Variants in SCARA3 observed in about 807,000 individuals in gnomAD.
The protein encoded by SCARA3 is scavenger receptor class A member 3, also known as cellular stress response gene protein.
SCARA3 carries 39 observed loss-of-function variants against 47.0 expected under a neutral mutation model. The ratio of observed to expected loss-of-function variants is 0.83; its 90% CI spans 0.64 to 1.08. The LOEUF (loss-of-function observed/expected upper bound fraction) is 1.08, where lower values mean the gene tolerates loss of function less well. Among genes scored for constraint, SCARA3 ranks in the 50% least tolerant of loss-of-function variants. The pLI is 0.00. For missense variants in SCARA3, 724 were observed against 792.3 expected (o/e 0.91, Z 1.04); for synonymous variants, 356 against 334.1 (o/e 1.07, Z -0.71).
chr8:27,726,012 A>C, the SCARA3 span, among the ~76,000 whole-genome samples: 1 of 152,236 alleles, frequency 6.6e-6, no homozygotes, highest in Non-Finnish European at 1.5e-5. Context: ...CTCTGGATGC[A>C]TTCATGCCCA....
At chr8:27,699,724 T>C in the SCARA3 span, among the ~76,000 whole-genome samples, 1 of 152,078 alleles carries the variant, frequency 6.6e-6, no homozygotes. Context: ...ATCCCAAAAG[T>C]TCCAGACCAG....
chr8:27,689,316 T>C, the SCARA3 span, among the ~76,000 whole-genome samples: 2 of 152,138 alleles, frequency 1.3e-5, no homozygotes, highest in African/African-American at 4.8e-5. Flanking sequence ...CCCCAGAACC[T>C]AGAATGCTGA....
At chr8:27,674,365 T>TTC (rs1802230351), downstream of SCARA3, among the ~76,000 whole-genome samples, 2 of 152,336 alleles carry the variant, frequency 1.3e-5, no homozygotes, top group South Asian at 4.1e-4. Flanking sequence ...CAGGTTGTGC[T>TTC]TCTGCCCTGC....
the SCARA3 span, among the ~76,000 whole-genome samples, chr8:27,720,949 C>T: frequency 6.6e-6 from 1 of 152,060 alleles, no homozygotes; most frequent in Non-Finnish European, 1.5e-5. Flanking sequence ...TTCATCCATC[C>T]ACCTATTTAT....
chr8:27,682,877 A>G, the SCARA3 span, among the ~76,000 whole-genome samples: 1 of 152,190 alleles, frequency 6.6e-6, no homozygotes, highest in African/African-American at 2.4e-5. Flanking sequence ...GTCATTTCTT[A>G]AAAAGTTAAA....
intron 5 of SCARA3, among the ~76,000 whole-genome samples, chr8:27,668,673 A>AG (rs1802075414): frequency 6.6e-6 from 1 of 152,164 alleles, no homozygotes; most frequent in Non-Finnish European, 1.5e-5. Flanking sequence ...CAGCCTGGGC[A>AG]ACATAGTGAA....
the SCARA3 span, among the ~76,000 whole-genome samples, chr8:27,683,701 C>T: frequency 1.6e-3 from 240 of 152,268 alleles, 1 homozygote; most frequent in African/African-American, 5.1e-3. Context: ...TACAAAAACA[C>T]TCATACCAAC....
At chr8:27,700,713 C>T in the SCARA3 span, among the ~76,000 whole-genome samples, 5 of 152,060 alleles carry the variant, frequency 3.3e-5, no homozygotes, top group Non-Finnish European at 7.4e-5. Context: ...CTTCATTAAT[C>T]ATCAGGGAAA....
At chr8:27,650,805 C>T (rs543406488) in intron 2 of SCARA3, among the ~76,000 whole-genome samples, 1 of 152,282 alleles carries the variant, frequency 6.6e-6, no homozygotes, top group East Asian at 1.9e-4. Flanking sequence ...ACTTCTGGTT[C>T]CCTGAAAAGT....
At chr8:27,683,174 C>T in the SCARA3 span, among the ~76,000 whole-genome samples, 1 of 151,818 alleles carries the variant, frequency 6.6e-6, no homozygotes, top group Admixed American at 6.6e-5. Context: ...TGAGAGAAGC[C>T]ATACAAAAAA....
the SCARA3 span, among the ~76,000 whole-genome samples, chr8:27,720,830 A>G: frequency 6.6e-6 from 1 of 151,714 alleles, no homozygotes; most frequent in South Asian, 2.1e-4. Flanking sequence ...CCTTCTATTT[A>G]TCCATCCAGT....
At chr8:27,646,889 A>G (rs1801503926) in intron 1 of SCARA3, among the ~76,000 whole-genome samples, 1 of 148,640 alleles carries the variant, frequency 6.7e-6, no homozygotes, top group South Asian at 2.2e-4. Flanking sequence ...TTCTTAGGAT[A>G]TGCATGAAAA....
At chr8:27,669,073 G>A (rs1802084162) in intron 5 of SCARA3, among the ~76,000 whole-genome samples, 1 of 152,102 alleles carries the variant, frequency 6.6e-6, no homozygotes, top group Admixed American at 6.5e-5. Flanking sequence ...GGCGAGAGTG[G>A]AGAGAGTGGA....
At chr8:27,648,665 A>G (rs1192741886) in intron 1 of SCARA3, among the ~76,000 whole-genome samples, 1 of 152,152 alleles carries the variant, frequency 6.6e-6, no homozygotes, top group Non-Finnish European at 1.5e-5. Flanking sequence ...TTACCAGCTT[A>G]AAATATTCTC....
the SCARA3 span, among the ~76,000 whole-genome samples, chr8:27,690,777 C>G: frequency 6.6e-6 from 1 of 152,170 alleles, no homozygotes; most frequent in African/African-American, 2.4e-5. Flanking sequence ...CTCACTGTAG[C>G]CTCAAATTCC....
In SCARA3 at chr8:27,668,413, G is replaced by A. The variant is rs35894677; in HGVS notation, c.1370-2487G>A. Among the ~76,000 whole-genome samples, 80 of 151,260 alleles carry A rather than the reference G, an allele frequency of 5.3e-4. 1 individual carries two copies. In the East Asian group the frequency reaches 5.8e-3, roughly 11 times the overall value. ...AAATTAGCCGGGCGCGGTGGCGGGC[G>A]CCTGTAGTCCCAGCTACTCGGGAGG... On this transcript the variant is annotated intron_variant, in intron 5 of 5. Transcript: ENST00000301904.
At chr8:27,684,951 A>G in the SCARA3 span, among the ~76,000 whole-genome samples, 2 of 152,086 alleles carry the variant, frequency 1.3e-5, no homozygotes, top group African/African-American at 4.8e-5. Flanking sequence ...AGTGTACCAG[A>G]ACACACACAA....
chr8:27,660,458 T>A (rs544020574), intron 5 of SCARA3, among the ~76,000 whole-genome samples: 3 of 151,528 alleles, frequency 2.0e-5, no homozygotes, highest in African/African-American at 7.3e-5. Context: ...GAATCAATAG[T>A]GTATAGAGAT....
chr8:27,634,881 A>T (rs532035018), intron 1 of SCARA3, among the ~76,000 whole-genome samples: 1 of 152,260 alleles, frequency 6.6e-6, no homozygotes, highest in South Asian at 2.1e-4. Context: ...CCAAGTGGCC[A>T]TTTCCAGGGC....
Sources: gnomAD v4.1 joint callset for allele counts (sites outside exome capture counted in the v4.1 genomes callset) on GRCh38, gnomAD v4.1.1 for gene constraint, MANE v1.5 for transcripts, NCBI Gene and HGNC (gene_info 2026-07-23, HGNC 2026-07-21) for gene names.